Variants in LGSN observed in about 807,000 individuals in gnomAD.
LGSN encodes lengsin.
A neutral mutation model predicts 19.5 loss-of-function variants in LGSN; 21 were observed. The ratio of observed to expected loss-of-function variants is 1.07; its 90% CI spans 0.76 to 1.55. The LOEUF (loss-of-function observed/expected upper bound fraction) is 1.55, where lower values mean the gene tolerates loss of function less well. Ranked by LOEUF, LGSN falls within the 40% of genes most tolerant of loss-of-function variation. The pLI is 0.00. For synonymous variants in LGSN, 257 were observed against 215.6 expected (o/e 1.19, Z -1.68); for missense variants, 673 against 608.5 (o/e 1.11, Z -1.12).
the LGSN span, among the ~76,000 whole-genome samples, chr6:63,521,312 C>T: frequency 6.6e-6 from 1 of 152,112 alleles, no homozygotes; most frequent in Non-Finnish European, 1.5e-5. Context: ...TAATATCTGG[C>T]TTGTCGTATT....
chr6:63,362,462 C>G, the LGSN span, among the ~76,000 whole-genome samples: 1 of 152,234 alleles, frequency 6.6e-6, no homozygotes, highest in Non-Finnish European at 1.5e-5. Context: ...GAAGCCATGA[C>G]AGATGGTACC....
chr6:63,546,726 C>A, the LGSN span, among the ~76,000 whole-genome samples: 1 of 151,778 alleles, frequency 6.6e-6, no homozygotes, highest in East Asian at 1.9e-4. Flanking sequence ...AAATAGAGTA[C>A]AAGCTTTCAG....
chr6:63,346,453 C>T, the LGSN span, among the ~76,000 whole-genome samples: 1 of 151,804 alleles, frequency 6.6e-6, no homozygotes, highest in African/African-American at 2.4e-5. Context: ...CTGGAGAGGA[C>T]GTGGAAACTC....
At position 63,276,950 on chromosome 6, in the gene LGSN, G is replaced by A. The variant is rs1173441234; in HGVS notation, c.*3071C>T. 3 of 152,220 alleles carry A rather than the reference G, an allele frequency of 2.0e-5. No individual in the cohort carries two copies. Among genetic ancestry groups the A allele is most frequent in the Non-Finnish European group, 1.5e-5 (1 of 68,018 alleles). The allele number at this position is 152,220 out of a possible 1,614,324, so 9.4% of individuals were successfully genotyped here. ...ACTCTGCTGGCCAATGCCTCTTTTT[G>A]GGTTGCCTTAAAGAACAAGAATATA... is the stretch of plus-strand genomic sequence containing the variant. On this transcript the variant is annotated 3_prime_UTR_variant, in exon 4 of 4. Transcript: ENST00000370657.
At chr6:63,486,820 T>TTTTTTA in the LGSN span, among the ~76,000 whole-genome samples, 2 of 146,170 alleles carry the variant, frequency 1.4e-5, no homozygotes, top group South Asian at 4.3e-4. Context: ...GTATGTTTAT[T>TTTTTTA]TTATTATTAT....
At chr6:63,345,248 G>C in the LGSN span, among the ~76,000 whole-genome samples, 2 of 152,092 alleles carry the variant, frequency 1.3e-5, no homozygotes, top group African/African-American at 4.8e-5. Context: ...CTCTTTAACA[G>C]ATTTTAGTAA....
chr6:63,514,498 A>G, the LGSN span, among the ~76,000 whole-genome samples: 2 of 152,204 alleles, frequency 1.3e-5, no homozygotes, highest in African/African-American at 2.4e-5. Context: ...AAGTGCTGGA[A>G]TTACGGGCAT....
chr6:63,423,224 T>C, the LGSN span, among the ~76,000 whole-genome samples: 7 of 152,148 alleles, frequency 4.6e-5, no homozygotes, highest in African/African-American at 1.7e-4. Context: ...TGCCAATCCG[T>C]AGACCCAGCT....
chr6:63,516,427 A>ACTGTTTTACGGTAGAAGCACTTCAAAGTG, the LGSN span, among the ~76,000 whole-genome samples: 1 of 152,218 alleles, frequency 6.6e-6, no homozygotes, highest in Non-Finnish European at 1.5e-5. Context: ...AAGTCAAACA[A>ACTGTTTTACGGTAGAAGCACTTCAAAGTG]CTGTTTTACG....
chr6:63,287,479 GAGTTCAAGACCAGCCTGGGCC>G (rs1194687433), intron 2 of LGSN, among the ~76,000 whole-genome samples: 4 of 152,034 alleles, frequency 2.6e-5, no homozygotes, highest in Admixed American at 2.0e-4. Flanking sequence ...TTGGGGCCAG[GAGTTCAAGACCAGCCTGGGCC>G]AGTTCAAGAC....
intron 1 of LGSN, among the ~76,000 whole-genome samples, chr6:63,306,392 C>T (rs1171396308): frequency 1.3e-5 from 2 of 152,080 alleles, no homozygotes. Context: ...AAAACTTGTT[C>T]AACTTCTTCA....
chr6:63,501,060 C>T, the LGSN span, among the ~76,000 whole-genome samples: 5 of 151,846 alleles, frequency 3.3e-5, no homozygotes, highest in Non-Finnish European at 5.9e-5. Flanking sequence ...GAGGGCTTTG[C>T]TTTTTTAAAA....
intron 3 of LGSN, among the ~76,000 whole-genome samples, chr6:63,281,761 G>A (rs147609804): frequency 7.0e-4 from 106 of 152,162 alleles, no homozygotes; most frequent in African/African-American, 2.4e-3. Flanking sequence ...CTAACACCAG[G>A]GGAGCCAGGA....
chr6:63,278,286 G>T lies in LGSN; in HGVS notation c.*1735C>A, dbSNP rs550602513. On this transcript the variant is annotated 3_prime_UTR_variant, in exon 4 of 4. Coordinates refer to ENST00000370657, the MANE Select transcript of LGSN (RefSeq NM_016571.3). Reference sequence around the variant, plus strand: ...AACAGAGGGGAAAATGAACAGAGGGGAATTTTCTAGCAGACAGCTAGAAAA... The same window carrying T: ...AACAGAGGGGAAAATGAACAGAGGGTAATTTTCTAGCAGACAGCTAGAAAA... 1.3e-5 allele frequency: 2 copies of T among 152,044 alleles called. No homozygotes were observed. Among genetic ancestry groups the T allele is most frequent in the Non-Finnish European group, 2.9e-5 (2 of 67,994 alleles). The allele number at this position is 152,044 out of a possible 1,614,324, so 9.4% of individuals were successfully genotyped here. A position where few individuals can be genotyped will look rare whatever the true frequency, so the allele number is the denominator to read the frequency against.
intron 2 of LGSN, 109 bp from the exon 3 acceptor site, chr6:63,285,862 T>C (rs936994388): frequency 1.3e-6 from 1 of 787,754 alleles, no homozygotes; most frequent in Non-Finnish European, 2.0e-6. Context: ...AAACATTATA[T>C]ATTCATCATG....
intron 3 of LGSN, among the ~76,000 whole-genome samples, chr6:63,281,463 C>T (rs1437482820): frequency 6.6e-6 from 1 of 150,820 alleles, no homozygotes; most frequent in Admixed American, 6.6e-5. Flanking sequence ...CCTTGAAGGC[C>T]TTATATGCTC....
At chr6:63,569,973 A>C in the LGSN span, among the ~76,000 whole-genome samples, 1 of 152,200 alleles carries the variant, frequency 6.6e-6, no homozygotes, top group South Asian at 2.1e-4. Flanking sequence ...AAAGTATTAA[A>C]CTAAATACAG....
the LGSN span, among the ~76,000 whole-genome samples, chr6:63,369,499 G>A: frequency 6.6e-6 from 1 of 152,160 alleles, no homozygotes; most frequent in Non-Finnish European, 1.5e-5. Context: ...GGGAAAATGT[G>A]GAAGCACTGA....
chr6:63,296,654 G>C (rs1247083126), intron 1 of LGSN, among the ~76,000 whole-genome samples: 1 of 151,986 alleles, frequency 6.6e-6, no homozygotes. Flanking sequence ...TGAAGGAATT[G>C]GGTGACATAA....
Sources: allele counts gnomAD v4.1 joint callset (sites outside exome capture counted in the v4.1 genomes callset), GRCh38; gene constraint gnomAD v4.1.1; transcripts MANE v1.5; gene names NCBI Gene and HGNC (gene_info 2026-07-23, HGNC 2026-07-21).